Variants in PKM observed in about 807,000 individuals in gnomAD.
PKM encodes pyruvate kinase PKM.
Under a neutral mutation model 49.8 loss-of-function variants are expected in PKM, and 18 were observed. That is an observed-to-expected ratio of 0.36 (90% CI 0.25 to 0.54). The LOEUF (loss-of-function observed/expected upper bound fraction) is 0.54. Among genes scored for constraint, PKM ranks in the 20% least tolerant of loss-of-function variants. The pLI, the probability that PKM is intolerant of heterozygous loss-of-function variation, is 0.89. For synonymous variants in PKM, 239 were observed against 261.8 expected, an observed-to-expected ratio of 0.91 and a Z score of 0.84; for missense variants, 508 against 713.8, an observed-to-expected ratio of 0.71 and a Z score of 3.28.
chr15:72,216,509 G>T (rs1417254814), intron 3 of PKM, among the ~76,000 whole-genome samples: 1 of 152,142 alleles, frequency 6.6e-6, no homozygotes, highest in Non-Finnish European at 1.5e-5. Flanking sequence ...TGTATTCCCA[G>T]CTACTCGGGA....
At chr15:72,207,592 T>A (rs1315093370) in intron 6 of PKM, among the ~76,000 whole-genome samples, 1 of 152,178 alleles carries the variant, frequency 6.6e-6, no homozygotes, top group Non-Finnish European at 1.5e-5. Context: ...GTTAGGGGTC[T>A]CTCTAGGGCC....
At chr15:72,209,212 C>CA (rs1165120782) in intron 5 of PKM, among the ~76,000 whole-genome samples, 3 of 151,310 alleles carry the variant, frequency 2.0e-5, no homozygotes, top group Non-Finnish European at 2.9e-5. Flanking sequence ...ACTAAAAATA[C>CA]AAAAAAATTA....
chr15:72,227,347 G>C (rs747743744), intron 1 of PKM, among the ~76,000 whole-genome samples: 4 of 152,188 alleles, frequency 2.6e-5, no homozygotes, highest in Non-Finnish European at 5.9e-5. Context: ...GTGGACTTTT[G>C]GAGTGATTCA....
intron 8 of PKM, among the ~76,000 whole-genome samples, chr15:72,205,158 T>G (rs2082040968): frequency 6.6e-6 from 1 of 152,176 alleles, no homozygotes; most frequent in East Asian, 1.9e-4. Context: ...GGGTGTCACT[T>G]TGTCACCTAG....
intron 1 of PKM, among the ~76,000 whole-genome samples, chr15:72,221,907 C>T (rs1210934358): frequency 1.2e-4 from 16 of 130,088 alleles, no homozygotes; most frequent in African/African-American, 4.6e-4. Flanking sequence ...AACCTTAATA[C>T]ATTCAGAACC....
At chr15:72,214,179 A>C (rs2082322020) in intron 3 of PKM, among the ~76,000 whole-genome samples, 1 of 152,192 alleles carries the variant, frequency 6.6e-6, no homozygotes, top group Non-Finnish European at 1.5e-5. Context: ...TTTCCACTAA[A>C]AAATTTTATC....
chr15:72,218,971 G>A lies in PKM; in HGVS notation c.127C>T (p.Arg43Trp), dbSNP rs1287207302. The change falls in exon 2 of 11, where the codon CGG (arginine) becomes TGG (tryptophan). Residue 43 changes from arginine (R) to tryptophan (W), a missense_variant. Physicochemically the swap from Arg to Trp is moderately radical, Grantham distance 101. Coordinates refer to ENST00000335181, the MANE Select transcript of PKM (RefSeq NM_002654.6). ...ATGGTACAGATGATGCCAGTGTTCCGGGCTGTGATGGGTGGTGAATCAATG... is the reference window on the plus strand; with the variant it reads ...ATGGTACAGATGATGCCAGTGTTCCAGGCTGTGATGGGTGGTGAATCAATG... ...LDIDSPPITARNTGIICTIGP... is the reference protein window; with the variant it reads ...LDIDSPPITAWNTGIICTIGP... 1.2e-6 allele frequency: 2 copies of A among 1,614,026 alleles called. No homozygotes were observed. The highest frequency in any genetic ancestry group is 1.7e-5 in the Admixed American group (1 of 59,998).
Position 72,209,603 on chromosome 15 carries a change from T to C in PKM, c.565+70A>G, listed in dbSNP as rs942147850. The stretch of plus-strand genomic sequence containing the variant: ...CTGCCAGGCAACCAACCTTCCCATC[T>C]TCCTTGTGTCAAGGAAGTTTAGAGA... On this transcript the variant is annotated intron_variant, in intron 5 of 10. Coordinates refer to ENST00000335181, the MANE Select transcript of PKM (RefSeq NM_002654.6). The C allele has an allele frequency of 9.3e-6, 13 of 1,404,794 alleles. No homozygotes were observed. In the African/African-American group the frequency reaches 1.7e-4, roughly 18 times the overall value. The allele number at this position is 1,404,794 out of a possible 1,614,324, so 87.0% of individuals were successfully genotyped here.
chr15:72,202,380 T>C lies in PKM; in HGVS notation c.1307+74A>G, dbSNP rs2081965948. 1.4e-6 allele frequency: 2 copies of C among 1,453,928 alleles called. No homozygotes were observed. The highest frequency in any genetic ancestry group is 1.9e-6 in the Non-Finnish European group (2 of 1,054,462). The allele number at this position is 1,453,928 out of a possible 1,614,324, so 90.1% of individuals were successfully genotyped here. A position where few individuals can be genotyped will look rare whatever the true frequency, so the allele number is the denominator to read the frequency against. On this transcript the variant is annotated intron_variant, in intron 9 of 10. Coordinates refer to ENST00000335181, the MANE Select transcript of PKM (RefSeq NM_002654.6). The surrounding 1 kb of genome is among the most constrained non-coding windows in gnomAD (Gnocchi z 4.5). ...TCAGTGCCACCTGAGCATTGTTCAA[T>C]GGACTGCTCCCAGGACCCCCAAGGT...
chr15:72,207,413 G>A (rs2140645195), intron 6 of PKM, 136 bp from the exon 7 acceptor site: 20 of 805,448 alleles, frequency 2.5e-5, no homozygotes, highest in South Asian at 4.4e-5. Context: ...ATCATCATGG[G>A]TGCACACAGA....
intron 1 of PKM, chr15:72,228,547 C>G (rs1435080044): frequency 6.9e-6 from 6 of 875,172 alleles, no homozygotes; most frequent in South Asian, 2.8e-5. Context: ...TTTAAGCCTG[C>G]AAGAACCACA....
chr15:72,229,765 A>T (rs2082792951), intron 1 of PKM: 1 of 1,048,450 alleles, frequency 9.5e-7, no homozygotes, highest in Non-Finnish European at 1.2e-6. Context: ...TCTAACTCTG[A>T]CCCCCAAACA....
In PKM at chr15:72,229,704, A is replaced by G; in HGVS notation, c.-14+1412T>C. On this transcript the variant is annotated intron_variant, in intron 1 of 10. Coordinates refer to ENST00000335181, the MANE Select transcript of PKM (RefSeq NM_002654.6). ...CCACTCCCAGCATTACAGGAGATAC[A>G]TTTTAAGATTGTGAGCTCGGTGGGC... The G allele has an allele frequency of 4.1e-6, 5 of 1,212,108 alleles. No homozygotes were observed. In the South Asian group the frequency reaches 6.8e-5, roughly 16 times the overall value. 75.1% of individuals were successfully genotyped at this position (1,212,108 alleles called of 1,614,324 possible). A position where few individuals can be genotyped will look rare whatever the true frequency, so the allele number is the denominator to read the frequency against.
intron 3 of PKM, among the ~76,000 whole-genome samples, chr15:72,211,808 C>G (rs953702001): frequency 6.7e-5 from 9 of 135,034 alleles, no homozygotes; most frequent in African/African-American, 1.1e-4. Context: ...CACCCTATCT[C>G]AAGAAAAAAA....
At chr15:72,211,295 CTGATCTCG>C (rs1038565539) in intron 3 of PKM, among the ~76,000 whole-genome samples, 5 of 152,230 alleles carry the variant, frequency 3.3e-5, no homozygotes, top group Admixed American at 1.3e-4. Flanking sequence ...TCTCGATCTC[CTGATCTCG>C]TGATCCGCCC....
At chr15:72,208,581 G>C (rs1202288695) in intron 6 of PKM, 40 bp downstream of exon 6, 1 of 1,611,282 alleles carries the variant, frequency 6.2e-7, no homozygotes, top group African/African-American at 1.3e-5. Flanking sequence ...GCCCTTCGGA[G>C]AGCTGCGCTG....
chr15:72,210,453 A>G lies in PKM; in HGVS notation c.272T>C (p.Val91Ala). 1 of 1,614,178 alleles carries G rather than the reference A, an allele frequency of 6.2e-7. No homozygotes were observed. The highest frequency in any genetic ancestry group is 8.5e-7 in the Non-Finnish European group (1 of 1,180,024). Reference protein sequence around the residue: ...HEYHAETIKNVRTATESFASD... With the variant: ...HEYHAETIKNARTATESFASD... ...AGCAAAGCTTTCCGTGGCTGTGCGC[A>G]CATTCTTGATGGTCTCCGCATGGTA... Residue 91 changes from valine (V) to alanine (A), a missense_variant, in exon 4 of 11, where the codon GTG becomes GCG. Coordinates refer to ENST00000335181, the MANE Select transcript of PKM (RefSeq NM_002654.6).
At chr15:72,221,456 C>A (rs2082521054) in intron 1 of PKM, among the ~76,000 whole-genome samples, 1 of 152,028 alleles carries the variant, frequency 6.6e-6, no homozygotes, top group African/African-American at 2.4e-5. Context: ...GAACCTGGTC[C>A]CTCCCCTTTT....
chr15:72,229,504 G>C, intron 1 of PKM: 1 of 1,187,564 alleles, frequency 8.4e-7, no homozygotes, highest in Non-Finnish European at 1.1e-6. Flanking sequence ...TCCAAGCCCT[G>C]GGTCTGGAGT....
Sources: allele counts gnomAD v4.1 joint callset (sites outside exome capture counted in the v4.1 genomes callset), GRCh38; gene constraint gnomAD v4.1.1; non-coding constraint Gnocchi (gnomAD v3.1); transcripts MANE v1.5; gene names NCBI Gene and HGNC (gene_info 2026-07-23, HGNC 2026-07-21).